Variants in TSPAN14 observed in about 807,000 individuals in gnomAD.
TSPAN14 encodes tetraspanin 14.
Under a neutral mutation model 36.6 loss-of-function variants are expected in TSPAN14, and 16 were observed. The observed-to-expected ratio is 0.44, with a 90% CI of 0.30 to 0.66. The LOEUF (loss-of-function observed/expected upper bound fraction) is 0.66. TSPAN14 is among the 30% of genes least tolerant of loss of function. TSPAN14 has a pLI of 0.12. For missense variants in TSPAN14, 231 were observed against 355.1 expected (o/e 0.65, Z 2.81); for synonymous variants, 139 against 143.8 (o/e 0.97, Z 0.24).
intron 2 of TSPAN14, among the ~76,000 whole-genome samples, chr10:80,492,011 GT>G (rs1183192216): frequency 6.6e-6 from 1 of 152,146 alleles, no homozygotes; most frequent in African/African-American, 2.4e-5. Flanking sequence ...GAAGCTCACG[GT>G]GTAGCAGGAG....
At chr10:80,505,106 C>T (rs960798800) in intron 3 of TSPAN14, among the ~76,000 whole-genome samples, 3 of 152,184 alleles carry the variant, frequency 2.0e-5, no homozygotes, top group Admixed American at 1.3e-4. Flanking sequence ...CGGGCAGGTC[C>T]CTGAATACAG....
Position 80,478,782 on chromosome 10 carries a change from G to A in TSPAN14, c.-17-10435G>A, listed in dbSNP as rs549027387. Among the ~76,000 whole-genome samples the A allele has an allele frequency of 2.9e-3, 442 of 152,302 alleles. 3 individuals are homozygous for A. Among genetic ancestry groups the A allele is most frequent in the Non-Finnish European group, 5.0e-3 (342 of 68,022 alleles). ...GTATCCTGTAATCCCAGCACTTTGG[G>A]AGGCCGAGGCAGGCGGATCACTTGA... On this transcript the variant is annotated intron_variant, in intron 1 of 8. Coordinates refer to ENST00000429989, the Ensembl canonical transcript of TSPAN14.
intron 2 of TSPAN14, among the ~76,000 whole-genome samples, chr10:80,502,665 G>C (rs568301850): frequency 6.6e-6 from 1 of 152,128 alleles, no homozygotes; most frequent in South Asian, 2.1e-4. Context: ...CTCGGTTGGG[G>C]TTGGGGGACC....
intron 2 of TSPAN14, among the ~76,000 whole-genome samples, chr10:80,490,257 A>G (rs1050535854): frequency 2.6e-5 from 4 of 152,062 alleles, no homozygotes; most frequent in South Asian, 2.1e-4. Flanking sequence ...GGGAGATACT[A>G]TTTCCTTTGT....
intron 2 of TSPAN14, among the ~76,000 whole-genome samples, chr10:80,502,442 T>G (rs541306402): frequency 1.3e-5 from 2 of 151,902 alleles, no homozygotes; most frequent in Non-Finnish European, 2.9e-5. Context: ...CAGACTCGAG[T>G]GGGTGGAGCC....
chr10:80,489,050 A>C (rs1847779749), intron 1 of TSPAN14, among the ~76,000 whole-genome samples, 167 bp from the exon 2 acceptor site: 1 of 152,062 alleles, frequency 6.6e-6, no homozygotes, highest in African/African-American at 2.4e-5. Context: ...ATTTAACCTG[A>C]GTTTTGCATT....
At chr10:80,511,939 C>G (rs996437082) in intron 5 of TSPAN14, among the ~76,000 whole-genome samples, 1 of 152,068 alleles carries the variant, frequency 6.6e-6, no homozygotes, top group African/African-American at 2.4e-5. Context: ...GCCTGAGCTA[C>G]TACGCCTAGC....
At chr10:80,503,329 G>A (rs1848630588) in intron 2 of TSPAN14, among the ~76,000 whole-genome samples, 1 of 152,150 alleles carries the variant, frequency 6.6e-6, no homozygotes, top group Non-Finnish European at 1.5e-5. Context: ...CCCTTGGCTT[G>A]GTGCTGTATC....
chr10:80,498,975 ACCC>A (rs1159325180), intron 2 of TSPAN14, among the ~76,000 whole-genome samples: 1 of 152,110 alleles, frequency 6.6e-6, no homozygotes, highest in Non-Finnish European at 1.5e-5. Context: ...ATTGTGCAAG[ACCC>A]GGAGGCCAGC....
Position 80,509,742 on chromosome 10 carries a change from C to T in TSPAN14, c.450+271C>T, listed in dbSNP as rs1363163922. On this transcript the variant is annotated intron_variant, in intron 5 of 8. Transcript: ENST00000429989. This position sits in a 1 kb window ranked among gnomAD's most constrained non-coding sequence, Gnocchi z 4.7. Reference sequence around the variant, plus strand: ...CCCACCCCCCACGTGCCCGGCCCTCCTCTTTCGGCCCCAGATCTTTCCAAT... The same window carrying T: ...CCCACCCCCCACGTGCCCGGCCCTCTTCTTTCGGCCCCAGATCTTTCCAAT... 8 of 446,924 alleles carry T rather than the reference C, an allele frequency of 1.8e-5. No homozygotes were observed. The East Asian group carries it at 2.2e-4, about 12-fold the overall frequency. The allele number at this position is 446,924 out of a possible 1,614,324, so 27.7% of individuals were successfully genotyped here. A position where few individuals can be genotyped will look rare whatever the true frequency, so the allele number is the denominator to read the frequency against.
rs371781514 is a variant in TSPAN14, at chr10:80,505,611, G to A, written c.132+833G>A. 2.2e-4 allele frequency among the ~76,000 whole-genome samples: 33 copies of A among 152,326 alleles called. No individual in the cohort carries two copies. The East Asian group carries it at 2.7e-3, about 12-fold the overall frequency. On this transcript the variant is annotated intron_variant, in intron 3 of 8. Coordinates refer to ENST00000429989, the Ensembl canonical transcript of TSPAN14. ...ACAGGCTTTCCTGCCATGGTCTTAG[G>A]GACTGGATAAGGCCCACCTTCAGGT... is the stretch of plus-strand genomic sequence containing the variant.
In TSPAN14 at chr10:80,501,836, C is replaced by G. The variant is rs528477024; in HGVS notation, c.82-2892C>G. On this transcript the variant is annotated intron_variant, in intron 2 of 8. Coordinates refer to ENST00000429989, the Ensembl canonical transcript of TSPAN14. Reference sequence around the variant, plus strand: ...TAGAAGGACCCAGGCAAGCACTGTCCTGGTCTTGAATCCTGGGGAGTCACT... The same window carrying G: ...TAGAAGGACCCAGGCAAGCACTGTCGTGGTCTTGAATCCTGGGGAGTCACT... Among the ~76,000 whole-genome samples the G allele has an allele frequency of 2.0e-5, 3 of 152,314 alleles. No homozygotes were observed. In the South Asian group the frequency reaches 6.2e-4, roughly 32 times the overall value.
intron 3 of TSPAN14, among the ~76,000 whole-genome samples, chr10:80,505,833 C>T (rs1451134544): frequency 6.6e-6 from 1 of 152,164 alleles, no homozygotes; most frequent in Non-Finnish European, 1.5e-5. Context: ...TTGAATCTGT[C>T]GATCTAAAAT....
chr10:80,501,824 G>A (rs1208310745), intron 2 of TSPAN14, among the ~76,000 whole-genome samples: 1 of 152,218 alleles, frequency 6.6e-6, no homozygotes, highest in Non-Finnish European at 1.5e-5. Context: ...AAGGACCCAG[G>A]CAAGCACTGT....
chr10:80,461,723 T>C (rs1412268264), intron 1 of TSPAN14, among the ~76,000 whole-genome samples: 1 of 151,986 alleles, frequency 6.6e-6, no homozygotes, highest in Non-Finnish European at 1.5e-5. Flanking sequence ...TGAAGATTAG[T>C]GCCTGGGTTG....
intron 1 of TSPAN14, chr10:80,485,652 G>T (rs1847546972): frequency 4.1e-6 from 4 of 985,310 alleles, no homozygotes; most frequent in African/African-American, 1.7e-5. Context: ...AGAGGGTCAG[G>T]ACCTGCTTTC....
At chr10:80,475,754 T>G (rs988947663) in intron 1 of TSPAN14, among the ~76,000 whole-genome samples, 11 of 152,148 alleles carry the variant, frequency 7.2e-5, no homozygotes, top group Non-Finnish European at 1.6e-4. Flanking sequence ...ACCCAGCTAA[T>G]TTTTGTATTT....
rs1228168967 is a variant in TSPAN14, at chr10:80,518,086, C to T, written c.*110C>T. ...GAGCCGACACCCCCAGAGCCAGTGC[C>T]CCATCTTAAGCATCAGCGTGACGTG... On this transcript the variant is annotated 3_prime_UTR_variant, in exon 9 of 9. Coordinates refer to ENST00000429989, the Ensembl canonical transcript of TSPAN14. 5 of 1,141,124 alleles carry T rather than the reference C, an allele frequency of 4.4e-6. No individual in the cohort carries two copies. In the East Asian group the frequency reaches 1.0e-4, roughly 24 times the overall value. The allele number at this position is 1,141,124 out of a possible 1,614,324, so 70.7% of individuals were successfully genotyped here.
chr10:80,505,640 G>A (rs1840247794), intron 3 of TSPAN14, among the ~76,000 whole-genome samples: 1 of 152,170 alleles, frequency 6.6e-6, no homozygotes, highest in Admixed American at 6.5e-5. Flanking sequence ...TTCAGGTTTG[G>A]GCACCTTCCA....
Sources: gnomAD v4.1 joint callset for allele counts (sites outside exome capture counted in the v4.1 genomes callset) on GRCh38, gnomAD v4.1.1 for gene constraint, Gnocchi (gnomAD v3.1) non-coding constraint, MANE v1.5 for transcripts, NCBI Gene and HGNC (gene_info 2026-07-23, HGNC 2026-07-21) for gene names.